Variants in ITPRID1 observed in about 807,000 individuals in gnomAD.
ITPRID1 encodes the protein ITPR interacting domain containing 1.
A neutral mutation model predicts 95.4 loss-of-function variants in ITPRID1; 96 were observed. That is an observed-to-expected ratio of 1.01 (90% CI 0.85 to 1.19). The LOEUF (loss-of-function observed/expected upper bound fraction) is 1.19. Among genes scored for constraint, ITPRID1 ranks in the 50% most tolerant of loss-of-function variants. ITPRID1 has a pLI of 0.00. For synonymous variants in ITPRID1, 510 were observed against 453.6 expected (o/e 1.12, Z -1.58); for missense variants, 1,339 against 1,252.9 (o/e 1.07, Z -1.04).
intron 10 of ITPRID1, among the ~76,000 whole-genome samples, chr7:31,632,880 T>G (rs923410564): frequency 2.6e-5 from 4 of 151,970 alleles, no homozygotes; most frequent in African/African-American, 9.7e-5. Context: ...ATTTATTTAT[T>G]TATTCATTCA....
At chr7:31,627,369 A>G (rs774678155) in intron 10 of ITPRID1, among the ~76,000 whole-genome samples, 11 of 152,210 alleles carry the variant, frequency 7.2e-5, no homozygotes, top group Admixed American at 2.6e-4. Flanking sequence ...ATCAAAATGT[A>G]AGTGAAGACC....
intron 1 of ITPRID1, among the ~76,000 whole-genome samples, chr7:31,538,474 A>G (rs967680464): frequency 2.0e-5 from 3 of 152,222 alleles, no homozygotes; most frequent in Admixed American, 6.5e-5. Flanking sequence ...CTTTGTCCCA[A>G]TAAAGTCCTT....
intron 1 of ITPRID1, among the ~76,000 whole-genome samples, chr7:31,526,427 T>G (rs1475822210): frequency 6.6e-6 from 1 of 152,086 alleles, no homozygotes; most frequent in Admixed American, 6.6e-5. Flanking sequence ...GGGGAAAAAA[T>G]GGTTTAACAT....
intron 10 of ITPRID1, among the ~76,000 whole-genome samples, chr7:31,605,087 G>A (rs1375842542): frequency 2.0e-5 from 3 of 151,342 alleles, no homozygotes; most frequent in East Asian, 1.9e-4. Context: ...GCAGTAAACC[G>A]AAATCGTGCC....
At chr7:31,552,683 G>A (rs1784320378) in intron 2 of ITPRID1, among the ~76,000 whole-genome samples, 1 of 152,122 alleles carries the variant, frequency 6.6e-6, no homozygotes, top group Non-Finnish European at 1.5e-5. Context: ...TATTTACTGG[G>A]TGTGTCCTCA....
rs999658518 is a variant in ITPRID1, at chr7:31,655,741, G to A, written c.*2912G>A. 32 of 985,560 alleles carry A rather than the reference G, an allele frequency of 3.2e-5. No homozygotes were observed. The highest frequency in any genetic ancestry group is 5.2e-4 in the Middle Eastern group (1 of 1,936). The allele number at this position is 985,560 out of a possible 1,614,324, so 61.1% of individuals were successfully genotyped here. The stretch of plus-strand genomic sequence containing the variant: ...TGCATTGCATTTGTGCCTCCAAATC[G>A]TTTCCCTTGCTAAACTCCTAAGCTT... On this transcript the variant is annotated 3_prime_UTR_variant, in exon 15 of 15. Coordinates refer to ENST00000615280, the MANE Select transcript of ITPRID1 (RefSeq NM_001257967.3).
intron 8 of ITPRID1, among the ~76,000 whole-genome samples, chr7:31,575,316 G>A (rs917117053): frequency 7.9e-5 from 12 of 152,250 alleles, no homozygotes; most frequent in South Asian, 2.1e-4. Context: ...GAACACTATC[G>A]TTTATACCTT....
At chr7:31,527,575 A>G (rs1406460669) in intron 1 of ITPRID1, among the ~76,000 whole-genome samples, 1 of 152,080 alleles carries the variant, frequency 6.6e-6, no homozygotes, top group Non-Finnish European at 1.5e-5. Context: ...TCCTCCTTTT[A>G]GCTTCTTTTC....
downstream of ITPRID1, chr7:31,658,193 T>G (rs1791382191): frequency 7.6e-7 from 1 of 1,314,170 alleles, no homozygotes. Context: ...AGGATATTCG[T>G]TTTTTAGCCC....
chr7:31,630,001 C>G (rs1788846089), intron 10 of ITPRID1, among the ~76,000 whole-genome samples: 1 of 151,792 alleles, frequency 6.6e-6, no homozygotes, highest in Non-Finnish European at 1.5e-5. Flanking sequence ...CACACACACA[C>G]AAAATTGCTA....
intron 10 of ITPRID1, among the ~76,000 whole-genome samples, chr7:31,617,471 A>C (rs1259418102): frequency 6.8e-6 from 1 of 146,404 alleles, no homozygotes; most frequent in Non-Finnish European, 1.5e-5. Flanking sequence ...GTGAATTAGT[A>C]TAAAAATCAA....
intron 12 of ITPRID1, among the ~76,000 whole-genome samples, chr7:31,646,941 A>G (rs896173008): frequency 6.6e-6 from 1 of 152,262 alleles, no homozygotes; most frequent in Non-Finnish European, 1.5e-5. Context: ...TGGATGCTAT[A>G]TAAGGTTTTA....
At chr7:31,614,866 C>A (rs1787057294) in intron 10 of ITPRID1, among the ~76,000 whole-genome samples, 1 of 152,046 alleles carries the variant, frequency 6.6e-6, no homozygotes, top group African/African-American at 2.4e-5. Context: ...TCGGGGGCCC[C>A]ATTTATATTT....
In ITPRID1 at chr7:31,656,338, C is replaced by A; in HGVS notation, c.*3509C>A. The A allele has an allele frequency of 8.2e-6, 2 of 244,344 alleles. No individual in the cohort carries two copies. The highest frequency in any genetic ancestry group is 1.3e-5 in the Non-Finnish European group (2 of 152,324). 15.1% of individuals were successfully genotyped at this position (244,344 alleles called of 1,614,324 possible). On this transcript the variant is annotated 3_prime_UTR_variant, in exon 15 of 15. Coordinates refer to ENST00000615280, the MANE Select transcript of ITPRID1 (RefSeq NM_001257967.3). ...TTGCTCTCTTTACCCTAGTTTCTTC[C>A]TCTGTAAAATAGGGAGAAGAAAAAC...
At chr7:31,585,753 A>G (rs1012631606) in intron 10 of ITPRID1, among the ~76,000 whole-genome samples, 1 of 152,226 alleles carries the variant, frequency 6.6e-6, no homozygotes, top group African/African-American at 2.4e-5. Flanking sequence ...CAAAATTGTA[A>G]GATTTAGCAG....
intron 10 of ITPRID1, among the ~76,000 whole-genome samples, chr7:31,584,195 C>T (rs1208584961): frequency 6.6e-6 from 1 of 152,132 alleles, no homozygotes; most frequent in Non-Finnish European, 1.5e-5. Context: ...TCATGCATTT[C>T]CTGAAAGAAA....
At chr7:31,646,574 G>A (rs892299910) in intron 12 of ITPRID1, among the ~76,000 whole-genome samples, 6 of 152,126 alleles carry the variant, frequency 3.9e-5, no homozygotes, top group African/African-American at 9.7e-5. Context: ...GTGTGGACCC[G>A]AGCTCTTCTT....
At chr7:31,549,896 A>C (rs1402055291) in intron 2 of ITPRID1, among the ~76,000 whole-genome samples, 3 of 152,168 alleles carry the variant, frequency 2.0e-5, no homozygotes, top group African/African-American at 7.2e-5. Flanking sequence ...CAAAAAGTGA[A>C]ATAACTCAGA....
intron 5 of ITPRID1, among the ~76,000 whole-genome samples, chr7:31,556,459 T>G (rs1171484960): frequency 1.3e-5 from 2 of 152,128 alleles, no homozygotes; most frequent in African/African-American, 2.4e-5. Context: ...TCAAGTGCCA[T>G]GATTGTTGGT....
Sources: allele counts gnomAD v4.1 joint callset (sites outside exome capture counted in the v4.1 genomes callset), GRCh38; gene constraint gnomAD v4.1.1; transcripts MANE v1.5; gene names NCBI Gene and HGNC (gene_info 2026-07-23, HGNC 2026-07-21).